DSCAM: variants seen among roughly 807,000 people sequenced by gnomAD.
DSCAM encodes cell adhesion molecule DSCAM.
Under a neutral mutation model 217.7 loss-of-function variants are expected in DSCAM, and 47 were observed. The ratio of observed to expected loss-of-function variants is 0.22; its 90% CI spans 0.17 to 0.28. The LOEUF is 0.28. DSCAM is among the 10% of genes least tolerant of loss of function. The pLI, the probability that DSCAM is intolerant of heterozygous loss-of-function variation, is 1.00. For missense variants in DSCAM, 2,080 were observed against 2,618.3 expected, an observed-to-expected ratio of 0.79 and a Z score of 4.49; for synonymous variants, 1,056 against 1,015.3, an observed-to-expected ratio of 1.04 and a Z score of -0.76.
intron 13 of DSCAM, 49 bp downstream of exon 13, chr21:40,187,842 C>G: frequency 6.7e-7 from 1 of 1,495,626 alleles, no homozygotes; most frequent in South Asian, 1.1e-5. Context: ...GCATACAGCT[C>G]CCATCCTGAA....
At chr21:40,261,606 T>C (rs2073451100) in intron 11 of DSCAM, among the ~76,000 whole-genome samples, 1 of 150,976 alleles carries the variant, frequency 6.6e-6, no homozygotes, top group African/African-American at 2.4e-5. Context: ...GCATCCATAA[T>C]CATGTGGGCC....
intron 1 of DSCAM, among the ~76,000 whole-genome samples, chr21:40,772,744 G>A (rs528250899): frequency 9.9e-5 from 15 of 152,220 alleles, no homozygotes; most frequent in African/African-American, 2.7e-4. Context: ...GCTGTGCAAC[G>A]TGGTTCCCTT....
chr21:40,085,356 AGACTAGGCT>A (rs767486949), intron 23 of DSCAM, among the ~76,000 whole-genome samples: 1 of 152,216 alleles, frequency 6.6e-6, no homozygotes, highest in Non-Finnish European at 1.5e-5. Flanking sequence ...AAGAAAAAAG[AGACTAGGCT>A]TTCTGTATGC....
Position 40,364,690 on chromosome 21 carries a change from G to GTATATATA in DSCAM, c.655+4401_655+4408dup, listed in dbSNP as rs71186930. Among the ~76,000 whole-genome samples the GTATATATA allele has an allele frequency of 4.8e-3, 689 of 144,046 alleles. 6 individuals are homozygous for GTATATATA. Among genetic ancestry groups the GTATATATA allele is most frequent in the African/African-American group, 0.015 (563 of 38,596 alleles). The allele number at this position is 144,046 out of a possible 152,430, so 94.5% of individuals were successfully genotyped here. On this transcript the variant is annotated intron_variant, in intron 4 of 32. Transcript: ENST00000400454. ...ACTTAAAGTACAATTAAAAAAAAGT[G>GTATATATA]TATATATATATATATATACACACAC... is the stretch of plus-strand genomic sequence containing the variant.
intron 1 of DSCAM, among the ~76,000 whole-genome samples, chr21:40,785,430 G>T (rs367581033): frequency 1.3e-5 from 2 of 152,356 alleles, no homozygotes; most frequent in East Asian, 3.9e-4. Flanking sequence ...TGCTCCTGAA[G>T]TTTCCTAAAA....
At chr21:40,569,416 C>T (rs1468962931) in intron 3 of DSCAM, among the ~76,000 whole-genome samples, 2 of 152,146 alleles carry the variant, frequency 1.3e-5, no homozygotes, top group African/African-American at 2.4e-5. Context: ...TGATCGTTTA[C>T]GTGGCCCTCA....
chr21:40,569,223 A>G (rs2076787580), intron 3 of DSCAM, among the ~76,000 whole-genome samples: 1 of 152,140 alleles, frequency 6.6e-6, no homozygotes. Flanking sequence ...TCTTTAACAC[A>G]TACTGTGCCA....
chr21:40,813,275 C>T (rs1372571814), intron 1 of DSCAM, among the ~76,000 whole-genome samples: 5 of 152,096 alleles, frequency 3.3e-5, no homozygotes, highest in Non-Finnish European at 5.9e-5. Flanking sequence ...CATGGTTGGG[C>T]AAGAGAACCT....
At chr21:40,342,626 G>GTGTGTGTATATATATA (rs1491362590) in intron 6 of DSCAM, among the ~76,000 whole-genome samples, 11 of 94,712 alleles carry the variant, frequency 1.2e-4, no homozygotes, top group African/African-American at 5.0e-4. Flanking sequence ...GTGTGTGTGT[G>GTGTGTGTATATATATA]TATATATATA....
intron 1 of DSCAM, among the ~76,000 whole-genome samples, chr21:40,792,273 G>A (rs921635058): frequency 6.6e-6 from 1 of 151,474 alleles, no homozygotes; most frequent in African/African-American, 2.4e-5. Flanking sequence ...TGAGTACGTG[G>A]GACTATAGGC....
At chr21:40,501,810 C>T (rs1007309481) in intron 3 of DSCAM, among the ~76,000 whole-genome samples, 4 of 152,066 alleles carry the variant, frequency 2.6e-5, no homozygotes, top group Non-Finnish European at 4.4e-5. Flanking sequence ...CAGGCTGGTC[C>T]GGAACTCCCG....
intron 3 of DSCAM, among the ~76,000 whole-genome samples, chr21:40,380,350 T>C (rs2075007570): frequency 6.6e-6 from 1 of 152,244 alleles, no homozygotes; most frequent in Non-Finnish European, 1.5e-5. Context: ...ACTTCAAGAA[T>C]TTTTTATTAA....
intron 3 of DSCAM, among the ~76,000 whole-genome samples, chr21:40,534,909 C>T (rs1313741042): frequency 6.6e-6 from 1 of 152,088 alleles, no homozygotes; most frequent in Non-Finnish European, 1.5e-5. Flanking sequence ...AATCTCTAAA[C>T]TTACGTGGTA....
chr21:40,780,419 G>GTATATATATATATATATA (rs1417914986), intron 1 of DSCAM, among the ~76,000 whole-genome samples: 9 of 44,708 alleles, frequency 2.0e-4, no homozygotes, highest in African/African-American at 1.6e-3. Flanking sequence ...GTGTGTGTGT[G>GTATATATATATATATATA]TGTGTATATA....
chr21:40,718,478 C>T (rs1005525712), intron 1 of DSCAM, among the ~76,000 whole-genome samples: 1 of 152,186 alleles, frequency 6.6e-6, no homozygotes, highest in Non-Finnish European at 1.5e-5. Flanking sequence ...GAGCAAGTCA[C>T]GTCTTACATG....
At chr21:40,539,976 T>G (rs1338031838) in intron 3 of DSCAM, among the ~76,000 whole-genome samples, 1 of 152,206 alleles carries the variant, frequency 6.6e-6, no homozygotes, top group Non-Finnish European at 1.5e-5. Flanking sequence ...TGTCCTTACT[T>G]GCATAGTACT....
At chr21:40,532,492 C>T (rs571655930) in intron 3 of DSCAM, among the ~76,000 whole-genome samples, 41 of 152,130 alleles carry the variant, frequency 2.7e-4, no homozygotes, top group African/African-American at 9.2e-4. Context: ...GTATGTGCAG[C>T]GGTAATGAAA....
At chr21:40,660,356 T>C (rs971614004) in intron 3 of DSCAM, among the ~76,000 whole-genome samples, 4 of 152,198 alleles carry the variant, frequency 2.6e-5, no homozygotes, top group Admixed American at 1.3e-4. Flanking sequence ...GGAGTCAACA[T>C]TGAAAAACAA....
chr21:40,571,585 T>C (rs1292355152), intron 3 of DSCAM, among the ~76,000 whole-genome samples: 2 of 152,140 alleles, frequency 1.3e-5, no homozygotes, highest in Admixed American at 1.3e-4. Flanking sequence ...AGCTCAAATC[T>C]GCAGGAAAGA....
Sources: allele counts gnomAD v4.1 joint callset (sites outside exome capture counted in the v4.1 genomes callset), GRCh38; gene constraint gnomAD v4.1.1; transcripts MANE v1.5; gene names NCBI Gene and HGNC (gene_info 2026-07-23, HGNC 2026-07-21).